The following MKLN1 variants were observed in gnomAD, a reference collection of about 807,000 sequenced individuals.
The protein encoded by MKLN1 is muskelin.
A neutral mutation model predicts 99.0 loss-of-function variants in MKLN1; 18 were observed. The ratio of observed to expected loss-of-function variants is 0.18; its 90% CI spans 0.13 to 0.27. MKLN1 has a LOEUF of 0.27. Ranked by LOEUF, MKLN1 falls within the 10% of genes least tolerant of loss-of-function variation. MKLN1 has a pLI of 1.00. For missense variants in MKLN1, 621 were observed against 875.9 expected (o/e 0.71, Z 3.67); for synonymous variants, 288 against 293.2 (o/e 0.98, Z 0.18).
At position 131,488,351 on chromosome 7, in the gene MKLN1, C is replaced by T. The variant is rs1031650535; in HGVS notation, c.*623C>T. ...GCAGAACTGAGGTCTCAAGTTTGCA[C>T]TCTTGGCCATAGAACTAAAAATGAA... On this transcript the variant is annotated 3_prime_UTR_variant, in exon 18 of 18. Coordinates refer to ENST00000352689, the MANE Select transcript of MKLN1 (RefSeq NM_013255.5). 5.3e-5 allele frequency: 8 copies of T among 152,172 alleles called. No individual in the cohort carries two copies. Among genetic ancestry groups the T allele is most frequent in the South Asian group, 2.1e-4 (1 of 4,834 alleles). 9.4% of individuals were successfully genotyped at this position (152,172 alleles called of 1,614,324 possible).
At chr7:131,201,065 G>C (rs908317113) in intron 2 of MKLN1, among the ~76,000 whole-genome samples, 10 of 152,146 alleles carry the variant, frequency 6.6e-5, no homozygotes, top group Admixed American at 4.6e-4. Flanking sequence ...TGTTGCCCAG[G>C]CTGATGTACA....
At chr7:131,438,126 A>T in intron 10 of MKLN1, 129 bp downstream of exon 10, 2 of 709,944 alleles carry the variant, frequency 2.8e-6, no homozygotes, top group South Asian at 3.6e-5. Flanking sequence ...ATTGACAGTA[A>T]TAATTGTTGT....
Position 131,375,454 on chromosome 7 carries a change from A to G in MKLN1, c.129A>G (p.Gln43=), listed in dbSNP as rs773119184. 3.4e-5 allele frequency: 54 copies of G among 1,611,782 alleles called. 1 individual carries two copies. The Admixed American group carries it at 5.7e-4, about 17-fold the overall frequency. ...TTTTAGTGGACAAACCAAATGACCA[A>G]TCTTCAAGATGGTCTTCAGAGAGCA... The part of the protein sequence containing the change: ...ENILVDKPND[Q]SSRWSSESNY... The change falls in exon 2 of 18, where the codon CAA becomes CAG. Residue 43 remains glutamine, a synonymous_variant. Coordinates refer to ENST00000352689, the MANE Select transcript of MKLN1 (RefSeq NM_013255.5).
At chr7:131,147,217 A>ATCT (rs1287346235) in intron 2 of MKLN1, among the ~76,000 whole-genome samples, 1 of 136,334 alleles carries the variant, frequency 7.3e-6, no homozygotes, top group Non-Finnish European at 1.6e-5. Flanking sequence ...ACACCCAGCT[A>ATCT]TTTTTTTTTT....
chr7:131,226,669 T>A (rs1327774948), intron 3 of MKLN1, among the ~76,000 whole-genome samples: 2 of 152,168 alleles, frequency 1.3e-5, no homozygotes, highest in African/African-American at 4.8e-5. Flanking sequence ...GGGTTTTTGG[T>A]TGATGAAGTT....
rs1204900662 is a variant in MKLN1, at chr7:131,150,454, T to G, written c.-297+7513T>G. Among the ~76,000 whole-genome samples the G allele has an allele frequency of 2.0e-5, 3 of 152,042 alleles. No individual in the cohort carries two copies. The East Asian group carries it at 5.8e-4, about 29-fold the overall frequency. On this transcript the variant is annotated intron_variant, in intron 2 of 7. Transcript: ENST00000416992. ...GTGAGCTATGATGGCACCACTGCAC[T>G]CCAGCTTGGGTGACAGATGAAGACC...
At chr7:131,143,026 C>A in intron 2 of MKLN1, 1 of 959,104 alleles carries the variant, frequency 1.0e-6, no homozygotes, top group Non-Finnish European at 1.5e-6. Flanking sequence ...AAATTCTTCT[C>A]TCTGGAGTCT....
chr7:131,113,666 A>C (rs12539104), intron 1 of MKLN1, among the ~76,000 whole-genome samples: 2 of 120,562 alleles, frequency 1.7e-5, no homozygotes, highest in Admixed American at 1.8e-4. Flanking sequence ...CTACAAAAAT[A>C]CAAAAAAAAA....
intron 3 of MKLN1, among the ~76,000 whole-genome samples, chr7:131,302,269 A>G (rs1320983008): frequency 6.6e-6 from 1 of 152,204 alleles, no homozygotes; most frequent in Non-Finnish European, 1.5e-5. Context: ...GACTCATGGG[A>G]GGTGACCTAT....
intron 2 of MKLN1, among the ~76,000 whole-genome samples, chr7:131,376,139 T>TATATATATATA (rs1563318314): frequency 3.6e-4 from 3 of 8,330 alleles, no homozygotes; most frequent in African/African-American, 1.1e-3. Flanking sequence ...TATATATGTA[T>TATATATATATA]GATGTATGTA....
At chr7:131,366,781 C>T (rs1800195356) in intron 1 of MKLN1, among the ~76,000 whole-genome samples, 1 of 152,188 alleles carries the variant, frequency 6.6e-6, no homozygotes, top group African/African-American at 2.4e-5. Flanking sequence ...CACTGCACTC[C>T]AGCCTGGGCG....
At chr7:131,403,077 A>G (rs1276333706) in intron 6 of MKLN1, among the ~76,000 whole-genome samples, 4 of 152,168 alleles carry the variant, frequency 2.6e-5, no homozygotes, top group African/African-American at 9.7e-5. Flanking sequence ...CCTTCTTCCA[A>G]TAGAAGTCTA....
intron 6 of MKLN1, among the ~76,000 whole-genome samples, chr7:131,406,102 A>C (rs574126587): frequency 4.7e-4 from 71 of 152,144 alleles, no homozygotes; most frequent in Non-Finnish European, 7.5e-4. Context: ...AATTGAAAAC[A>C]AATTTTAAAT....
rs528381888 is a variant in MKLN1 at position 131,392,444 on chromosome 7, A to G, written c.400+3472A>G. Among the ~76,000 whole-genome samples the G allele has an allele frequency of 9.9e-5, 15 of 152,282 alleles. No individual in the cohort carries two copies. In the East Asian group the frequency reaches 2.7e-3, roughly 27 times the overall value. The stretch of plus-strand genomic sequence containing the variant: ...AAGTATACTATTAAGAGGAAAATTA[A>G]TATAATAATAATAGATAATAACAGC... On this transcript the variant is annotated intron_variant, in intron 4 of 17. Transcript: ENST00000352689.
At chr7:131,329,459 A>C (rs906793458) in intron 1 of MKLN1, among the ~76,000 whole-genome samples, 3 of 152,212 alleles carry the variant, frequency 2.0e-5, no homozygotes, top group African/African-American at 7.2e-5. Flanking sequence ...GGCCCTATGT[A>C]CTTGACCTCT....
intron 2 of MKLN1, among the ~76,000 whole-genome samples, chr7:131,156,403 G>A (rs1584796656): frequency 2.9e-5 from 4 of 138,900 alleles, no homozygotes; most frequent in African/African-American, 2.7e-5. Context: ...AGGCGAGATC[G>A]CGCCACTGCA....
intron 3 of MKLN1, among the ~76,000 whole-genome samples, chr7:131,276,650 C>T (rs1041491623): frequency 6.6e-6 from 1 of 152,162 alleles, no homozygotes; most frequent in Non-Finnish European, 1.5e-5. Flanking sequence ...GGAAGATAAA[C>T]TGGAGCAGAG....
intron 3 of MKLN1, among the ~76,000 whole-genome samples, chr7:131,304,931 C>T (rs1312035210): frequency 1.3e-5 from 2 of 152,084 alleles, no homozygotes; most frequent in East Asian, 1.9e-4. Flanking sequence ...GGATTAGTAA[C>T]CTTATAAAAG....
At chr7:131,247,222 CTTTTTCT>C (rs1197136974) in intron 3 of MKLN1, among the ~76,000 whole-genome samples, 58 of 117,428 alleles carry the variant, frequency 4.9e-4, no homozygotes, top group Admixed American at 9.4e-4. Context: ...ACCTTTTCTT[CTTTTTCT>C]TTTTTCTTTT....
Sources: gnomAD v4.1 joint callset for allele counts (sites outside exome capture counted in the v4.1 genomes callset) on GRCh38, gnomAD v4.1.1 for gene constraint, MANE v1.5 for transcripts, NCBI Gene and HGNC (gene_info 2026-07-23, HGNC 2026-07-21) for gene names.